AUTS2: variants seen among roughly 807,000 people sequenced by gnomAD.
AUTS2 encodes activator of transcription and developmental regulator AUTS2.
A neutral mutation model predicts 112.4 loss-of-function variants in AUTS2; 17 were observed. The observed-to-expected ratio is 0.15, with a 90% CI of 0.10 to 0.23. AUTS2 has a LOEUF of 0.23. AUTS2 is among the 10% of genes least tolerant of loss of function. AUTS2 has a pLI of 1.00. For missense variants in AUTS2, 1,510 were observed against 1,701.6 expected (o/e 0.89, Z 1.98); for synonymous variants, 751 against 702.7 (o/e 1.07, Z -1.09).
chr7:70,755,402 C>T (rs1204956049), intron 6 of AUTS2, among the ~76,000 whole-genome samples: 4 of 152,054 alleles, frequency 2.6e-5, no homozygotes, highest in Non-Finnish European at 5.9e-5. Context: ...TGGTGGCTCA[C>T]GCCTGTAATC....
At chr7:70,529,600 T>C (rs992598081) in intron 5 of AUTS2, among the ~76,000 whole-genome samples, 4 of 152,248 alleles carry the variant, frequency 2.6e-5, no homozygotes, top group African/African-American at 9.6e-5. Flanking sequence ...AAAAGGCTCC[T>C]GCCTTTCATC....
At position 70,763,288 on chromosome 7, in the gene AUTS2, C is replaced by G. The variant is rs756500354; in HGVS notation, c.1161C>G (p.Leu387=). ...PVQAHPSAQS[L]SQPLSAYNSS... ...AGGCCCACCCCTCTGCTCAGAGCCT[C>G]TCCCAGCCATTGTCAGCCTACAACA... The change falls in exon 7 of 19, where the codon CTC becomes CTG. Residue 387 remains leucine (L), a synonymous_variant. Coordinates refer to ENST00000342771, the MANE Select transcript of AUTS2 (RefSeq NM_015570.4). The G allele has an allele frequency of 6.2e-7, 1 of 1,606,292 alleles. No homozygotes were observed. The highest frequency in any genetic ancestry group is 1.3e-5 in the African/African-American group (1 of 74,720).
chr7:70,547,413 C>A (rs1052406634), intron 5 of AUTS2, among the ~76,000 whole-genome samples: 3 of 152,126 alleles, frequency 2.0e-5, no homozygotes, highest in Non-Finnish European at 4.4e-5. Context: ...CGCCACCACA[C>A]CCAGCTAATT....
chr7:70,444,496 A>G (rs867891862), intron 5 of AUTS2, among the ~76,000 whole-genome samples: 6 of 152,106 alleles, frequency 3.9e-5, no homozygotes, highest in African/African-American at 1.2e-4. Flanking sequence ...TCAAATATCT[A>G]TATTAGGATG....
At chr7:69,880,228 G>C (rs901352939) in intron 1 of AUTS2, among the ~76,000 whole-genome samples, 5 of 152,144 alleles carry the variant, frequency 3.3e-5, no homozygotes, top group South Asian at 2.1e-4. Flanking sequence ...AGCTCACTCA[G>C]TATCATGAGA....
intron 2 of AUTS2, among the ~76,000 whole-genome samples, chr7:70,038,690 C>T (rs1801114173): frequency 6.6e-6 from 1 of 152,012 alleles, no homozygotes; most frequent in African/African-American, 2.4e-5. Context: ...ATGAAATAGA[C>T]CCAATTCAAG....
At chr7:70,331,129 G>T (rs1287868243) in intron 4 of AUTS2, among the ~76,000 whole-genome samples, 2 of 152,186 alleles carry the variant, frequency 1.3e-5, no homozygotes, top group East Asian at 3.9e-4. Context: ...GATGGTACCA[G>T]CTCCTCTTTG....
chr7:70,338,964 G>A (rs370260159), intron 4 of AUTS2, among the ~76,000 whole-genome samples: 63 of 151,812 alleles, frequency 4.1e-4, no homozygotes, highest in African/African-American at 1.4e-3. Context: ...CCGGGTTCAC[G>A]CCATTCTCCT....
chr7:70,215,866 A>G (rs1811139472), intron 4 of AUTS2, among the ~76,000 whole-genome samples: 1 of 152,196 alleles, frequency 6.6e-6, no homozygotes, highest in South Asian at 2.1e-4. Flanking sequence ...ATTCTTACAT[A>G]AAGGATGTCT....
chr7:69,623,381 A>ATTTTTTTT (rs56204810), intron 1 of AUTS2, among the ~76,000 whole-genome samples: 10 of 71,942 alleles, frequency 1.4e-4, no homozygotes, highest in Non-Finnish European at 1.7e-4. Context: ...ACGCCCAGCA[A>ATTTTTTTT]TTTTTTTTTT....
intron 5 of AUTS2, among the ~76,000 whole-genome samples, chr7:70,546,630 T>A (rs1322874362): frequency 6.6e-6 from 1 of 151,266 alleles, no homozygotes; most frequent in Non-Finnish European, 1.5e-5. Flanking sequence ...TACAAAAAAA[T>A]TAGCCGGGCA....
chr7:70,700,478 C>T (rs1809390088), intron 6 of AUTS2, among the ~76,000 whole-genome samples: 1 of 152,106 alleles, frequency 6.6e-6, no homozygotes, highest in Non-Finnish European at 1.5e-5. Flanking sequence ...CCCCTTAATG[C>T]CTTATGCTAA....
chr7:70,235,057 C>T (rs941549021), intron 4 of AUTS2, among the ~76,000 whole-genome samples: 4 of 152,136 alleles, frequency 2.6e-5, no homozygotes, highest in East Asian at 1.9e-4. Flanking sequence ...TGTATTATAA[C>T]GGTTTAATAT....
chr7:70,018,788 A>G (rs1341670159), intron 2 of AUTS2, among the ~76,000 whole-genome samples: 1 of 152,230 alleles, frequency 6.6e-6, no homozygotes, highest in Non-Finnish European at 1.5e-5. Context: ...TGCTGAGAAA[A>G]AGGAATGCTT....
Position 70,793,226 on chromosome 7 carries a change from A to G in AUTS2, c.*2230A>G, listed in dbSNP as rs767928595. On this transcript the variant is annotated 3_prime_UTR_variant, in exon 19 of 19. Transcript: ENST00000342771. ...TGCCTGGCTACTTCAAAACTCAGCG[A>G]AAGTGTTTGCTTTTCCAGCAGTGAT... 1 of 152,146 alleles carries G rather than the reference A, an allele frequency of 6.6e-6. No individual in the cohort carries two copies. The highest frequency in any genetic ancestry group is 1.5e-5 in the Non-Finnish European group (1 of 68,034). The allele number at this position is 152,146 out of a possible 1,614,324, so 9.4% of individuals were successfully genotyped here.
intron 1 of AUTS2, among the ~76,000 whole-genome samples, chr7:69,641,761 A>G (rs928204971): frequency 3.3e-5 from 5 of 152,218 alleles, no homozygotes; most frequent in African/African-American, 1.2e-4. Flanking sequence ...CAAATGTTCC[A>G]TAGTCATTAG....
At chr7:70,135,659 T>G (rs1484219767) in intron 4 of AUTS2, among the ~76,000 whole-genome samples, 1 of 152,226 alleles carries the variant, frequency 6.6e-6, no homozygotes, top group Non-Finnish European at 1.5e-5. Flanking sequence ...TGTTGACTTT[T>G]TTTTGGTCTT....
intron 4 of AUTS2, among the ~76,000 whole-genome samples, chr7:70,256,189 G>A (rs932046300): frequency 6.6e-6 from 1 of 152,168 alleles, no homozygotes; most frequent in Non-Finnish European, 1.5e-5. Flanking sequence ...GGGCCATTCC[G>A]CTCTGCTCCC....
intron 1 of AUTS2, among the ~76,000 whole-genome samples, chr7:69,844,965 A>G (rs1297359851): frequency 6.6e-6 from 1 of 152,220 alleles, no homozygotes; most frequent in Non-Finnish European, 1.5e-5. Context: ...GGAGATGGAC[A>G]TAAATAAGAT....
Sources: allele counts gnomAD v4.1 joint callset (sites outside exome capture counted in the v4.1 genomes callset), GRCh38; gene constraint gnomAD v4.1.1; transcripts MANE v1.5; gene names NCBI Gene and HGNC (gene_info 2026-07-23, HGNC 2026-07-21).